MYL10: variants seen among roughly 807,000 people sequenced by gnomAD.
MYL10 encodes the protein myosin light chain 10.
MYL10 carries 18 observed loss-of-function variants against 21.9 expected under a neutral mutation model. The observed-to-expected ratio is 0.82, with a 90% confidence interval of 0.57 to 1.22. The LOEUF is 1.22. MYL10 is among the 50% of genes most tolerant of loss of function. MYL10 has a pLI of 0.00. For synonymous variants in MYL10, 88 were observed against 82.8 expected (o/e 1.06, Z -0.34); for missense variants, 225 against 230.4 (o/e 0.98, Z 0.15).
At chr7:101,616,803 G>A (rs1796614796) in intron 5 of MYL10, among the ~76,000 whole-genome samples, 3 of 152,362 alleles carry the variant, frequency 2.0e-5, no homozygotes, top group South Asian at 2.1e-4. Context: ...GGCTTGGGCA[G>A]TGTGGCATTG....
intron 5 of MYL10, among the ~76,000 whole-genome samples, chr7:101,619,969 A>G (rs1465375343): frequency 6.6e-6 from 1 of 151,828 alleles, no homozygotes; most frequent in Non-Finnish European, 1.5e-5. Context: ...TGCAGATGTA[A>G]GTTAAGCATC....
chr7:101,627,662 G>A (rs1278343891), intron 1 of MYL10: 1 of 152,640 alleles, frequency 6.6e-6, no homozygotes, highest in African/African-American at 2.4e-5. Context: ...ATAGGGTTGG[G>A]GGGAATCCGT....
In MYL10 at chr7:101,629,293, A is replaced by T. The variant is rs1796782795; in HGVS notation, c.-175T>A. The T allele has an allele frequency of 4.1e-6, 1 of 241,708 alleles. No individual in the cohort carries two copies. Among genetic ancestry groups the T allele is most frequent in the Non-Finnish European group, 8.2e-6 (1 of 121,864 alleles). The allele number at this position is 241,708 out of a possible 1,614,324, so 15.0% of individuals were successfully genotyped here. On this transcript the variant is annotated 5_prime_UTR_variant, in exon 1 of 8. Coordinates refer to ENST00000223167, the MANE Select transcript of MYL10 (RefSeq NM_138403.5). Reference sequence around the variant, plus strand: ...GGCGGACCATGCAGACAGGCAGGCTATGGGGCTCCGACCCCACGGCAGTGT... The same window carrying T: ...GGCGGACCATGCAGACAGGCAGGCTTTGGGGCTCCGACCCCACGGCAGTGT...
intron 5 of MYL10, 53 bp downstream of exon 5, chr7:101,622,043 C>T (rs1473218982): frequency 2.7e-5 from 38 of 1,404,196 alleles, no homozygotes; most frequent in South Asian, 2.6e-4. Context: ...TTCCTACATC[C>T]GTCCCCCTGC....
chr7:101,615,651 C>T (rs1051728256), intron 6 of MYL10, among the ~76,000 whole-genome samples: 2 of 148,288 alleles, frequency 1.3e-5, no homozygotes, highest in Non-Finnish European at 1.5e-5. Context: ...TTTGCCCCCA[C>T]ACCCACCCCA....
At chr7:101,614,778 C>G (rs1003103259) in intron 6 of MYL10, among the ~76,000 whole-genome samples, 1 of 152,072 alleles carries the variant, frequency 6.6e-6, no homozygotes, top group African/African-American at 2.4e-5. Context: ...CGGGACAGAC[C>G]CTCTCCACCT....
chr7:101,616,383 G>T, intron 5 of MYL10, 85 bp from the exon 6 acceptor site: 1 of 1,108,530 alleles, frequency 9.0e-7, no homozygotes, highest in East Asian at 2.4e-5. Context: ...AGGGGCTGGG[G>T]CTGGGGGCAA....
rs1329451299 is a variant in MYL10 at position 101,625,332 on chromosome 7, G to A, written c.79-1068C>T. Among the ~76,000 whole-genome samples, 3 of 152,214 alleles carry A rather than the reference G, an allele frequency of 2.0e-5. No homozygotes were observed. The East Asian group carries it at 5.8e-4, about 29-fold the overall frequency. ...AGCCATCCTTACAGCCCCCAGGGGCGCTGTGAGCCCCAGAATGGGCTCTCG... is the reference window on the plus strand; with the variant it reads ...AGCCATCCTTACAGCCCCCAGGGGCACTGTGAGCCCCAGAATGGGCTCTCG... On this transcript the variant is annotated intron_variant, in intron 1 of 7. Transcript: ENST00000223167.
intron 5 of MYL10, among the ~76,000 whole-genome samples, chr7:101,616,729 A>G (rs771154139): frequency 6.6e-6 from 1 of 152,144 alleles, no homozygotes; most frequent in Non-Finnish European, 1.5e-5. Context: ...GTGTTACCCA[A>G]GCTGTGCACA....
At position 101,613,445 on chromosome 7, in the gene MYL10, C is replaced by T; in HGVS notation, c.*30G>A. 6.3e-7 allele frequency: 1 copy of T among 1,582,986 alleles called. No homozygotes were observed. The highest frequency in any genetic ancestry group is 8.7e-7 in the Non-Finnish European group (1 of 1,151,498). On this transcript the variant is annotated 3_prime_UTR_variant, in exon 8 of 8. Transcript: ENST00000223167. ...TCACACCCCACAACAGTGTTTGCTG[C>T]CCCTGAATGTCGGGGAGACTTGTGA...
rs917587093 is a variant in MYL10 at position 101,618,741 on chromosome 7, C to T, written c.455-2443G>A. 5.3e-5 allele frequency among the ~76,000 whole-genome samples: 8 copies of T among 152,278 alleles called. No homozygotes were observed. In the East Asian group the frequency reaches 1.4e-3, roughly 26 times the overall value. ...CCTGTCCCCTCCCACCAGCCTCTCA[C>T]GCAGTCTGGCCACGTCTGCATGACA... On this transcript the variant is annotated intron_variant, in intron 5 of 7. Transcript: ENST00000223167.
At position 101,629,282 on chromosome 7, in the gene MYL10, A is replaced by G. The variant is rs1304257587; in HGVS notation, c.-164T>C. ...TCAAACCTCTAGGCGGACCATGCAG[A>G]CAGGCAGGCTATGGGGCTCCGACCC... On this transcript the variant is annotated 5_prime_UTR_variant, in exon 1 of 8. Transcript: ENST00000223167. 2 of 249,762 alleles carry G rather than the reference A, an allele frequency of 8.0e-6. No individual in the cohort carries two copies. Among genetic ancestry groups the G allele is most frequent in the African/African-American group, 2.4e-5 (1 of 42,552 alleles). 15.5% of individuals were successfully genotyped at this position (249,762 alleles called of 1,614,324 possible).
intron 4 of MYL10, among the ~76,000 whole-genome samples, chr7:101,622,739 C>T (rs549425887): frequency 6.6e-6 from 1 of 152,278 alleles, no homozygotes; most frequent in African/African-American, 2.4e-5. Context: ...CCAGGGTCCC[C>T]TACACCAGGC....
intron 1 of MYL10, among the ~76,000 whole-genome samples, chr7:101,627,676 C>G (rs1373161387): frequency 6.6e-6 from 1 of 152,212 alleles, no homozygotes; most frequent in East Asian, 1.9e-4. Context: ...AATCCGTGGG[C>G]AAATACCACG....
rs199638186 is a variant in MYL10 at position 101,613,454 on chromosome 7, G to A, written c.*21C>T. The A allele has an allele frequency of 1.9e-6, 3 of 1,597,872 alleles. No individual in the cohort carries two copies. The highest frequency in any genetic ancestry group is 1.7e-4 in the Middle Eastern group (1 of 6,014). On this transcript the variant is annotated 3_prime_UTR_variant, in exon 8 of 8. Transcript: ENST00000223167. ...ACAACAGTGTTTGCTGCCCCTGAAT[G>A]TCGGGGAGACTTGTGATCCCCTAAT...
rs140347120 is a variant in MYL10 at position 101,623,362 on chromosome 7, T to A, written c.274-290A>T. Among the ~76,000 whole-genome samples, 55 of 152,292 alleles carry A rather than the reference T, an allele frequency of 3.6e-4. 1 individual carries two copies. The highest frequency in any genetic ancestry group is 1.2e-3 in the African/African-American group (49 of 41,572). ...AGGCTGCCTGAGGGCAACAGGTCAC[T>A]CACCCAGGCTCTGGGCCATGGCCAT... On this transcript the variant is annotated intron_variant, in intron 3 of 7. Transcript: ENST00000223167.
rs760782928 is a variant in MYL10 at position 101,623,039 on chromosome 7, A to C, written c.307T>G (p.Phe103Val). The stretch of plus-strand genomic sequence containing the variant: ...TCCCTCAAGTCCTCTTTGTCGATGA[A>C]GCCATCACGGTTCTGGTCCATGATG... ...FTIMDQNRDG[F>V]IDKEDLRDTF... The change falls in exon 4 of 8, where the codon TTC (phenylalanine) becomes GTC (valine). Residue 103 changes from phenylalanine (F) to valine (V), a missense_variant. Phe to Val is a conservative substitution (Grantham distance 50). Transcript: ENST00000223167. 1 of 1,614,074 alleles carries C rather than the reference A, an allele frequency of 6.2e-7. No individual in the cohort carries two copies. Among genetic ancestry groups the C allele is most frequent in the Non-Finnish European group, 8.5e-7 (1 of 1,180,012 alleles).
At chr7:101,615,864 T>C (rs184602349) in intron 6 of MYL10, among the ~76,000 whole-genome samples, 81 of 151,766 alleles carry the variant, frequency 5.3e-4, no homozygotes, top group African/African-American at 1.8e-3. Flanking sequence ...CTGGCTAATT[T>C]TTTTTATTAT....
intron 1 of MYL10, among the ~76,000 whole-genome samples, chr7:101,624,660 C>T (rs1796724264): frequency 6.6e-6 from 1 of 152,218 alleles, no homozygotes; most frequent in South Asian, 2.1e-4. Context: ...TCTTCGTGTT[C>T]TCAGGAGAAC....
Sources: gnomAD v4.1 joint callset for allele counts (sites outside exome capture counted in the v4.1 genomes callset) on GRCh38, gnomAD v4.1.1 for gene constraint, MANE v1.5 for transcripts, NCBI Gene and HGNC (gene_info 2026-07-23, HGNC 2026-07-21) for gene names.